The following UBXN11 variants were observed in gnomAD, a reference collection of about 807,000 sequenced individuals.
The protein encoded by UBXN11 is UBX domain-containing protein 11.
Under a neutral mutation model 62.8 loss-of-function variants are expected in UBXN11, and 47 were observed. The observed-to-expected ratio is 0.75, with a 90% CI of 0.59 to 0.95. The LOEUF is 0.95. UBXN11 is among the 40% of genes least tolerant of loss of function. The pLI, the probability that UBXN11 is intolerant of heterozygous loss-of-function variation, is 0.00. For synonymous variants in UBXN11, 294 were observed against 267.0 expected (o/e 1.10, Z -0.99); for missense variants, 638 against 661.7 (o/e 0.96, Z 0.39).
intron 1 of UBXN11, among the ~76,000 whole-genome samples, chr1:26,313,280 A>G (rs971395588): frequency 6.6e-6 from 1 of 152,182 alleles, no homozygotes; most frequent in Non-Finnish European, 1.5e-5. Flanking sequence ...AGTCATCAAA[A>G]GACACTGTGG....
At chr1:26,284,109 C>T (rs777066735) in intron 12 of UBXN11, 33 bp downstream of exon 12, 3 of 1,560,722 alleles carry the variant, frequency 1.9e-6, no homozygotes, top group Admixed American at 3.8e-5. Context: ...AAAGTTCCCC[C>T]AGGAGGGCTG....
At chr1:26,295,217 C>G (rs11247903) in intron 7 of UBXN11, among the ~76,000 whole-genome samples, 132,980 of 151,818 alleles carry the variant, frequency 0.88, 59,224 homozygotes, top group Non-Finnish European at 0.93. Context: ...AATCCTCTGT[C>G]GCCCATTCCT....
chr1:26,284,398 T>C lies in UBXN11; in HGVS notation c.937A>G (p.Met313Val). The C allele has an allele frequency of 4.3e-6, 7 of 1,614,034 alleles. No individual in the cohort carries two copies. Among genetic ancestry groups the C allele is most frequent in the Middle Eastern group, 1.7e-4 (1 of 6,060 alleles). Residue 313 changes from methionine to valine, a missense_variant, in exon 11 of 15, where the codon ATG becomes GTG. Met to Val is a conservative substitution (Grantham distance 21). Transcript: ENST00000374222. ...TCCACCCTGTCCAAGGCCTTGTGCA[T>C]CAGCTGCCTGCCCACCACACGGCCC... Reference protein sequence around the residue: ...GEGRVVGRQLMHKALDRVEEH... With the variant: ...GEGRVVGRQLVHKALDRVEEH...
At chr1:26,298,945 G>C (rs962060413) in intron 4 of UBXN11, among the ~76,000 whole-genome samples, 3 of 152,120 alleles carry the variant, frequency 2.0e-5, no homozygotes, top group African/African-American at 7.2e-5. Flanking sequence ...GTCAAGGCAG[G>C]TTCAGTGGAA....
chr1:26,308,198 C>T (rs1355725866), upstream of UBXN11, among the ~76,000 whole-genome samples: 10 of 147,576 alleles, frequency 6.8e-5, no homozygotes, highest in African/African-American at 2.3e-4. Context: ...ACCTGGGAGG[C>T]GGAGGTTGCG....
rs1570116459 is a variant in UBXN11, at chr1:26,297,881, C to G, written c.300+81G>C. On this transcript the variant is annotated intron_variant, in intron 5 of 14. Transcript: ENST00000374222. ...GTAGACGGTTCTAGAATCACCCACC[C>G]TAGTCCAACTCCTGGCCTCCCCAGC... 1.0e-5 allele frequency: 15 copies of G among 1,463,338 alleles called. No homozygotes were observed. In the South Asian group the frequency reaches 1.6e-4, roughly 15 times the overall value. 90.6% of individuals were successfully genotyped at this position (1,463,338 alleles called of 1,614,324 possible).
chr1:26,306,604 C>T lies in UBXN11; in HGVS notation c.-48G>A, dbSNP rs573892555. 5.2e-4 allele frequency: 79 copies of T among 152,428 alleles called. No homozygotes were observed. Among genetic ancestry groups the T allele is most frequent in the African/African-American group, 1.8e-3 (76 of 41,564 alleles). The allele number at this position is 152,428 out of a possible 1,614,324, so 9.4% of individuals were successfully genotyped here. A position where few individuals can be genotyped will look rare whatever the true frequency, so the allele number is the denominator to read the frequency against. On this transcript the variant is annotated 5_prime_UTR_variant, in exon 1 of 15. The change abolishes the stop of an existing upstream ORF in the 5' untranslated region. Transcript: ENST00000374222. ...AAGCCAGACTCACCACGCAGGGCCG[C>T]TAGCCGTCCCGCAGCGCCGCCATCT...
At chr1:26,314,151 A>T (rs1030265199) in intron 1 of UBXN11, among the ~76,000 whole-genome samples, 7 of 152,172 alleles carry the variant, frequency 4.6e-5, no homozygotes, top group African/African-American at 1.7e-4. Flanking sequence ...AAATGTCTTT[A>T]AGTAAGCATA....
intron 1 of UBXN11, among the ~76,000 whole-genome samples, chr1:26,316,125 A>ATTTTTTTTT (rs57889417): frequency 1.1e-5 from 1 of 91,464 alleles, no homozygotes. Flanking sequence ...TGCCCGGCTA[A>ATTTTTTTTT]TTTTTTTTTT....
chr1:26,288,054 C>T (rs2073172305), intron 8 of UBXN11, among the ~76,000 whole-genome samples: 1 of 151,528 alleles, frequency 6.6e-6, no homozygotes, highest in Non-Finnish European at 1.5e-5. Flanking sequence ...AGGCAGGCAT[C>T]ACCACACCCT....
chr1:26,298,576 G>A (rs1008593515), intron 4 of UBXN11, among the ~76,000 whole-genome samples: 3 of 152,066 alleles, frequency 2.0e-5, no homozygotes, highest in African/African-American at 7.2e-5. Flanking sequence ...TGGATCACTT[G>A]AGGCCAGGAG....
chr1:26,313,782 C>CTTTTTTTTTTTTTTTT (rs56037016), intron 1 of UBXN11, among the ~76,000 whole-genome samples: 1 of 125,904 alleles, frequency 7.9e-6, no homozygotes, highest in African/African-American at 2.9e-5. Flanking sequence ...AATTTTTTTT[C>CTTTTTTTTTTTTTTTT]TTTTTTTTTT....
upstream of UBXN11, among the ~76,000 whole-genome samples, chr1:26,307,627 T>C (rs1466125928): frequency 1.7e-4 from 3 of 17,190 alleles, no homozygotes; most frequent in African/African-American, 4.7e-4. Context: ...TCTGTTGCTT[T>C]TTTTTTTTTT....
rs1371664917 is a variant in UBXN11, at chr1:26,297,996, TG to T, written c.265del (p.Gln89ArgfsTer2). On this transcript the variant is annotated frameshift_variant, in exon 5 of 15. Coordinates refer to ENST00000374222, the MANE Select transcript of UBXN11 (RefSeq NM_001389556.1). LOFTEE classifies it high-confidence loss of function. Reference protein sequence around the residue: ...MTRKLWDLEQQVKAQTDEILS... With the variant: ...MTRKLWDLEQXVKAQTDEILS... Reference sequence around the variant, plus strand: ...TATCTCATCAGTCTGGGCCTTCACCTGCTGCTCCAGGTCCCACAACTTCCTC... The same window carrying T: ...TATCTCATCAGTCTGGGCCTTCACCTCTGCTCCAGGTCCCACAACTTCCTC... 1 of 1,614,014 alleles carries T rather than the reference TG, an allele frequency of 6.2e-7. No homozygotes were observed.
At chr1:26,300,691 T>C (rs2073509579) in intron 4 of UBXN11, among the ~76,000 whole-genome samples, 3 of 152,174 alleles carry the variant, frequency 2.0e-5, no homozygotes. Flanking sequence ...CTGGTAACTA[T>C]AGCCACAGCC....
chr1:26,295,562 A>C (rs568044696), intron 7 of UBXN11, among the ~76,000 whole-genome samples: 53 of 152,096 alleles, frequency 3.5e-4, no homozygotes, highest in African/African-American at 1.3e-3. Context: ...TCCTCCACAC[A>C]GCCACCGACC....
intron 1 of UBXN11, 41 bp from the exon 2 acceptor site, chr1:26,302,959 G>C (rs2073576342): frequency 1.4e-6 from 2 of 1,468,742 alleles, no homozygotes; most frequent in Admixed American, 3.6e-5. Flanking sequence ...GACAGACTCA[G>C]GGCTCCAAGC....
In UBXN11 at chr1:26,282,483, C is replaced by G; in HGVS notation, c.1379G>C (p.Gly460Ala). The G allele has an allele frequency of 6.2e-7, 1 of 1,607,272 alleles. No individual in the cohort carries two copies. Among genetic ancestry groups the G allele is most frequent in the East Asian group, 2.2e-5 (1 of 44,688 alleles). Reference protein sequence around the residue: ...QDDTLTLQAAGLVPKAALLLR... With the variant: ...QDDTLTLQAAALVPKAALLLR... ...CAGCAGTGCTGCTTTGGGCACAAGGCCTGCAGCCTGCAGCGTGAGTGTATC... is the reference window on the plus strand; with the variant it reads ...CAGCAGTGCTGCTTTGGGCACAAGGGCTGCAGCCTGCAGCGTGAGTGTATC... Residue 460 changes from glycine (G) to alanine (A), a missense_variant, in exon 15 of 15, where the codon GGC becomes GCC. Coordinates refer to ENST00000374222, the MANE Select transcript of UBXN11 (RefSeq NM_001389556.1).
intron 9 of UBXN11, 118 bp downstream of exon 9, chr1:26,285,705 T>C (rs748169060): frequency 7.8e-6 from 11 of 1,408,670 alleles, no homozygotes; most frequent in Non-Finnish European, 1.0e-5. Context: ...AAGTCGTGTG[T>C]GGGCCTGGGT....
Sources: gnomAD v4.1 joint callset for allele counts (sites outside exome capture counted in the v4.1 genomes callset) on GRCh38, gnomAD v4.1.1 for gene constraint, MANE v1.5 for transcripts, NCBI Gene and HGNC (gene_info 2026-07-23, HGNC 2026-07-21) for gene names.